The following CUEDC1 variants were observed in gnomAD, a reference collection of about 807,000 sequenced individuals.
The protein encoded by CUEDC1 is CUE domain-containing protein 1.
A neutral mutation model predicts 43.7 loss-of-function variants in CUEDC1; 30 were observed. The ratio of observed to expected loss-of-function variants is 0.69; its 90% CI spans 0.51 to 0.93. CUEDC1 has a LOEUF of 0.93. Among genes scored for constraint, CUEDC1 ranks in the 40% least tolerant of loss-of-function variants. CUEDC1 has a pLI of 0.00. For synonymous variants in CUEDC1, 223 were observed against 223.6 expected (o/e 1.00, Z 0.02); for missense variants, 486 against 549.0 (o/e 0.89, Z 1.15).
At chr17:57,872,621 C>A in intron 5 of CUEDC1, 42 bp downstream of exon 5, 1 of 1,608,150 alleles carries the variant, frequency 6.2e-7, no homozygotes, top group South Asian at 1.1e-5. Context: ...AGCATCACCT[C>A]CCTTCTTCAG....
At chr17:57,882,180 G>A (rs2074215807) in intron 2 of CUEDC1, among the ~76,000 whole-genome samples, 1 of 151,628 alleles carries the variant, frequency 6.6e-6, no homozygotes, top group Non-Finnish European at 1.5e-5. Context: ...TCAGCCCCCA[G>A]AAAGGGTTTT....
At chr17:57,902,590 A>G (rs1425945851) in intron 1 of CUEDC1, among the ~76,000 whole-genome samples, 1 of 152,254 alleles carries the variant, frequency 6.6e-6, no homozygotes, top group Non-Finnish European at 1.5e-5. Context: ...CAGGGGAAAC[A>G]TCTGTGAATT....
At chr17:57,910,687 T>C (rs2074573555) in intron 1 of CUEDC1, among the ~76,000 whole-genome samples, 1 of 152,074 alleles carries the variant, frequency 6.6e-6, no homozygotes, top group African/African-American at 2.4e-5. Flanking sequence ...AAAAGAAATA[T>C]GCCAAATATA....
At chr17:57,896,219 A>T (rs1434665902) in intron 1 of CUEDC1, among the ~76,000 whole-genome samples, 1 of 152,142 alleles carries the variant, frequency 6.6e-6, no homozygotes, top group Non-Finnish European at 1.5e-5. Flanking sequence ...TTACCTACAG[A>T]TGATATGTTT....
chr17:57,885,517 G>C lies in CUEDC1; in HGVS notation c.48C>G (p.Gly16=), dbSNP rs764306468. ...RRSSSGSGGG[G]TAGARGGGGG... Reference sequence around the variant, plus strand: ...CCCCGCCCCCGCGTGCCCCGGCGGTGCCACCCCCGCCGCTGCCGCTGCTGC... The same window carrying C: ...CCCCGCCCCCGCGTGCCCCGGCGGTCCCACCCCCGCCGCTGCCGCTGCTGC... Residue 16 remains glycine, a synonymous_variant, in exon 2 of 11, where the codon GGC becomes GGG. Transcript: ENST00000577830. 2.6e-5 allele frequency: 36 copies of C among 1,391,046 alleles called. No individual in the cohort carries two copies. The highest frequency in any genetic ancestry group is 8.7e-5 in the East Asian group (3 of 34,534). 86.2% of individuals were successfully genotyped at this position (1,391,046 alleles called of 1,614,324 possible).
intron 1 of CUEDC1, among the ~76,000 whole-genome samples, chr17:57,935,394 CACACACACACAA>C (rs1215325013): frequency 3.4e-5 from 5 of 145,944 alleles, no homozygotes; most frequent in South Asian, 2.2e-4. Context: ...CACACACACA[CACACACACACAA>C]ACACACACAC....
In CUEDC1 at chr17:57,933,826, G is replaced by A. The variant is rs544219763; in HGVS notation, c.-316+21399C>T. On this transcript the variant is annotated intron_variant, in intron 1 of 10. Transcript: ENST00000577830. Reference sequence around the variant, plus strand: ...CCCAGAACACCTCTATTTGGAGCCCGACTTATGGGCTGGGATCTTTCTCCC... The same window carrying A: ...CCCAGAACACCTCTATTTGGAGCCCAACTTATGGGCTGGGATCTTTCTCCC... 2.2e-4 allele frequency among the ~76,000 whole-genome samples: 33 copies of A among 152,122 alleles called. 1 individual carries two copies. The highest frequency in any genetic ancestry group is 6.2e-4 in the South Asian group (3 of 4,814).
rs1400261099 is a variant in CUEDC1, at chr17:57,954,064, C to T, written c.-316+1161G>A. ...AACCACATGGTGAGATGACTTCCTCCGTGAGAGAATTCCTGGGGTCCCTCA... is the reference window on the plus strand; with the variant it reads ...AACCACATGGTGAGATGACTTCCTCTGTGAGAGAATTCCTGGGGTCCCTCA... On this transcript the variant is annotated intron_variant, in intron 1 of 10. Transcript: ENST00000577830. The surrounding 1 kb of genome is among the most constrained non-coding windows in gnomAD (Gnocchi z 4.3). Among the ~76,000 whole-genome samples, 1 of 152,210 alleles carries T rather than the reference C, an allele frequency of 6.6e-6. No individual in the cohort carries two copies. The highest frequency in any genetic ancestry group is 6.5e-5 in the Admixed American group (1 of 15,282).
At chr17:57,905,151 C>A (rs918180801) in intron 1 of CUEDC1, among the ~76,000 whole-genome samples, 1 of 151,978 alleles carries the variant, frequency 6.6e-6, no homozygotes. Context: ...GAGGGGGCTG[C>A]ATGCCTCGAG....
In CUEDC1 at chr17:57,930,675, T is replaced by C. The variant is rs16942534; in HGVS notation, c.-316+24550A>G. ...ACACACGTGTGTTTGGACAGCACTTTCTACTTCTTAAAAAGAAGATATCCA... is the reference window on the plus strand; with the variant it reads ...ACACACGTGTGTTTGGACAGCACTTCCTACTTCTTAAAAAGAAGATATCCA... On this transcript the variant is annotated intron_variant, in intron 1 of 10. Transcript: ENST00000577830. This position sits in a 1 kb window ranked among gnomAD's most constrained non-coding sequence, Gnocchi z 4.2. 0.062 allele frequency among the ~76,000 whole-genome samples: 9,497 copies of C among 152,252 alleles called. 1,024 individuals are homozygous for C. Among genetic ancestry groups the C allele is most frequent in the African/African-American group, 0.22 (8,996 of 41,498 alleles).
chr17:57,891,051 G>T (rs1172902238), intron 1 of CUEDC1, among the ~76,000 whole-genome samples: 4 of 152,180 alleles, frequency 2.6e-5, no homozygotes, highest in Non-Finnish European at 5.9e-5. Flanking sequence ...TCCCGGGCTA[G>T]ACTCACTCCC....
intron 1 of CUEDC1, among the ~76,000 whole-genome samples, chr17:57,905,974 T>C (rs1278494152): frequency 6.6e-6 from 1 of 152,216 alleles, no homozygotes; most frequent in African/African-American, 2.4e-5. Flanking sequence ...AAGTTCATTG[T>C]TGGTGGCAAT....
intron 1 of CUEDC1, among the ~76,000 whole-genome samples, chr17:57,889,467 G>A (rs114061792): frequency 0.015 from 2,214 of 152,306 alleles, 66 homozygotes; most frequent in African/African-American, 0.051. Flanking sequence ...TCAAGCAGCC[G>A]CTTCCATTTG....
At chr17:57,932,438 T>C (rs1477420474) in intron 1 of CUEDC1, among the ~76,000 whole-genome samples, 1 of 149,186 alleles carries the variant, frequency 6.7e-6, no homozygotes, top group African/African-American at 2.5e-5. Context: ...ACAAAAAAAT[T>C]AGCCGGGCAT....
chr17:57,901,144 T>C (rs2074467305), intron 1 of CUEDC1, among the ~76,000 whole-genome samples: 1 of 152,226 alleles, frequency 6.6e-6, no homozygotes, highest in Admixed American at 6.5e-5. Flanking sequence ...TTTGGTCCCA[T>C]CACTAACTAG....
chr17:57,877,976 A>C (rs938269547), intron 3 of CUEDC1, among the ~76,000 whole-genome samples: 21 of 150,916 alleles, frequency 1.4e-4, no homozygotes, highest in African/African-American at 4.9e-4. Context: ...CCTAGGTCTC[A>C]CCCAGACCCA....
chr17:57,907,803 G>A (rs867213801), intron 1 of CUEDC1, among the ~76,000 whole-genome samples: 50 of 144,134 alleles, frequency 3.5e-4, no homozygotes, highest in South Asian at 1.8e-3. Flanking sequence ...CCGAGATCAC[G>A]CCACTGCACT....
At chr17:57,944,370 C>A (rs1322062307) in intron 1 of CUEDC1, among the ~76,000 whole-genome samples, 3 of 151,884 alleles carry the variant, frequency 2.0e-5, no homozygotes, top group Non-Finnish European at 4.4e-5. Context: ...GCCACCACGC[C>A]CGGCTAATTT....
intron 1 of CUEDC1, among the ~76,000 whole-genome samples, chr17:57,953,155 C>T (rs2075024103): frequency 6.6e-6 from 1 of 152,176 alleles, no homozygotes; most frequent in South Asian, 2.1e-4. Context: ...ACCCCATTTC[C>T]CCAAGAACAA....
Sources: allele counts gnomAD v4.1 joint callset (sites outside exome capture counted in the v4.1 genomes callset), GRCh38; gene constraint gnomAD v4.1.1; non-coding constraint Gnocchi (gnomAD v3.1); transcripts MANE v1.5; gene names NCBI Gene and HGNC (gene_info 2026-07-23, HGNC 2026-07-21).